Variants in PDZRN4 observed in about 807,000 individuals in gnomAD.
PDZRN4 encodes the protein PDZ domain-containing RING finger protein 4.
Under a neutral mutation model 99.0 loss-of-function variants are expected in PDZRN4, and 70 were observed. The ratio of observed to expected loss-of-function variants is 0.71; its 90% CI spans 0.58 to 0.86. PDZRN4 has a LOEUF of 0.86. PDZRN4 is among the 40% of genes least tolerant of loss of function. The pLI, the probability that PDZRN4 is intolerant of heterozygous loss-of-function variation, is 0.00. For missense variants in PDZRN4, 1,474 were observed against 1,331.2 expected, an observed-to-expected ratio of 1.11 and a Z score of -1.67; for synonymous variants, 551 against 501.6, an observed-to-expected ratio of 1.10 and a Z score of -1.32.
chr12:41,480,759 T>C (rs1937660227), intron 3 of PDZRN4, among the ~76,000 whole-genome samples: 1 of 152,128 alleles, frequency 6.6e-6, no homozygotes, highest in African/African-American at 2.4e-5. Flanking sequence ...GATAGGGGAG[T>C]AGGAATAGAA....
At chr12:41,223,014 T>G (rs1950968584) in intron 3 of PDZRN4, among the ~76,000 whole-genome samples, 1 of 152,190 alleles carries the variant, frequency 6.6e-6, no homozygotes, top group Non-Finnish European at 1.5e-5. Flanking sequence ...TTTGCTTTAT[T>G]ATTAGCTTGG....
intron 3 of PDZRN4, among the ~76,000 whole-genome samples, chr12:41,243,215 T>C (rs74895359): frequency 0.012 from 1,830 of 152,282 alleles, 60 homozygotes; most frequent in East Asian, 0.11. Flanking sequence ...GTGAAAAGCA[T>C]AGCAAGATAT....
rs144456152 is a variant in PDZRN4, at chr12:41,541,714, A to G, written c.1204-10942A>G. Among the ~76,000 whole-genome samples the G allele has an allele frequency of 7.6e-3, 1,153 of 152,162 alleles. 51 individuals carry two copies. The East Asian group carries it at 0.14, about 18-fold the overall frequency. Reference sequence around the variant, plus strand: ...ATGATCCGCCTGCCTCGGCCTCCCAAAGTGCTGGGATTACAGGCGTGAGCC... The same window carrying G: ...ATGATCCGCCTGCCTCGGCCTCCCAGAGTGCTGGGATTACAGGCGTGAGCC... On this transcript the variant is annotated intron_variant, in intron 5 of 9. Transcript: ENST00000402685.
At chr12:41,265,337 C>T (rs1951269072) in intron 3 of PDZRN4, among the ~76,000 whole-genome samples, 1 of 152,052 alleles carries the variant, frequency 6.6e-6, no homozygotes, top group Non-Finnish European at 1.5e-5. Flanking sequence ...TGAAAATACA[C>T]CTGAACTCAT....
At chr12:41,492,885 G>A (rs1335257624) in intron 3 of PDZRN4, among the ~76,000 whole-genome samples, 1 of 152,224 alleles carries the variant, frequency 6.6e-6, no homozygotes, top group South Asian at 2.1e-4. Flanking sequence ...CTTGAAAGCT[G>A]GTGTGGAAAT....
intron 3 of PDZRN4, among the ~76,000 whole-genome samples, chr12:41,306,776 C>T (rs1006141365): frequency 2.0e-5 from 3 of 152,210 alleles, no homozygotes; most frequent in Non-Finnish European, 2.9e-5. Flanking sequence ...CCAAGTTCTG[C>T]CTTCCACAAA....
chr12:41,539,567 A>C (rs76062180), intron 5 of PDZRN4, among the ~76,000 whole-genome samples: 1,619 of 152,206 alleles, frequency 0.011, 22 homozygotes, highest in African/African-American at 0.037. Flanking sequence ...CCAGTATAAA[A>C]TAGCTTAGAA....
chr12:41,539,266 GT>G (rs973979680), intron 5 of PDZRN4, among the ~76,000 whole-genome samples: 10 of 151,686 alleles, frequency 6.6e-5, no homozygotes, highest in Admixed American at 5.9e-4. Flanking sequence ...AATATCCTGA[GT>G]TTTTTGGGAA....
At chr12:41,531,495 C>T (rs900789676) in intron 5 of PDZRN4, among the ~76,000 whole-genome samples, 1 of 152,200 alleles carries the variant, frequency 6.6e-6, no homozygotes, top group African/African-American at 2.4e-5. Context: ...TCTTGTGTGT[C>T]TGCTTGCTAG....
At chr12:41,231,603 C>G (rs1202872896) in intron 3 of PDZRN4, among the ~76,000 whole-genome samples, 1 of 152,032 alleles carries the variant, frequency 6.6e-6, no homozygotes, top group Non-Finnish European at 1.5e-5. Context: ...TAAGAATTTA[C>G]TTAGTCATTT....
chr12:41,525,477 CAT>C (rs746843332), intron 5 of PDZRN4, among the ~76,000 whole-genome samples: 25 of 152,080 alleles, frequency 1.6e-4, no homozygotes, highest in South Asian at 1.2e-3. Flanking sequence ...ATGGCTGACA[CAT>C]ATGTGAAATA....
At chr12:41,444,279 G>A (rs1217925980) in intron 3 of PDZRN4, among the ~76,000 whole-genome samples, 1 of 152,028 alleles carries the variant, frequency 6.6e-6, no homozygotes, top group Non-Finnish European at 1.5e-5. Context: ...TTCACCCAAC[G>A]TCATTCCCCT....
chr12:41,370,308 T>C (rs1007427030), intron 3 of PDZRN4, among the ~76,000 whole-genome samples: 2 of 152,032 alleles, frequency 1.3e-5, no homozygotes, highest in African/African-American at 4.8e-5. Context: ...TTCATACTGA[T>C]AATTTATTTA....
At chr12:41,264,347 G>A (rs531337581) in intron 3 of PDZRN4, among the ~76,000 whole-genome samples, 1 of 152,250 alleles carries the variant, frequency 6.6e-6, no homozygotes, top group African/African-American at 2.4e-5. Context: ...CATACCAATA[G>A]TAGTTAGAAT....
At position 41,235,200 on chromosome 12, in the gene PDZRN4, A is replaced by G. The variant is rs190631150; in HGVS notation, c.843+41012A>G. ...CAGATATAAACTTTTAAAGTAGTAC[A>G]ATCAAATATGAACTCTTCATCTTGA... On this transcript the variant is annotated intron_variant, in intron 3 of 9. Transcript: ENST00000402685. Among the ~76,000 whole-genome samples the G allele has an allele frequency of 4.7e-4, 72 of 152,256 alleles. 1 individual carries two copies. The highest frequency in any genetic ancestry group is 3.9e-3 in the South Asian group (19 of 4,826).
chr12:41,254,598 A>G (rs1226179891), intron 3 of PDZRN4, among the ~76,000 whole-genome samples: 1 of 152,244 alleles, frequency 6.6e-6, no homozygotes, highest in Non-Finnish European at 1.5e-5. Flanking sequence ...ATATTTTACC[A>G]TTTCCTATGT....
At chr12:41,268,116 A>ATT (rs58935194) in intron 3 of PDZRN4, among the ~76,000 whole-genome samples, 51 of 152,066 alleles carry the variant, frequency 3.4e-4, no homozygotes, top group African/African-American at 1.0e-3. Context: ...CAAAAGAGGC[A>ATT]TTTTTTTTAT....
chr12:41,197,919 G>GTTTTTTTTTTTTTTTT (rs764851464), intron 3 of PDZRN4, among the ~76,000 whole-genome samples: 4 of 113,466 alleles, frequency 3.5e-5, no homozygotes, highest in Admixed American at 9.8e-5. Context: ...GTTTTTTCTG[G>GTTTTTTTTTTTTTTTT]GTTTTTTTTT....
chr12:41,546,981 C>A (rs1283150434), intron 5 of PDZRN4, among the ~76,000 whole-genome samples: 1 of 152,096 alleles, frequency 6.6e-6, no homozygotes, highest in Non-Finnish European at 1.5e-5. Context: ...CACAAATGGC[C>A]GTGGATAGTT....
Sources: gnomAD v4.1 joint callset for allele counts (sites outside exome capture counted in the v4.1 genomes callset) on GRCh38, gnomAD v4.1.1 for gene constraint, MANE v1.5 for transcripts, NCBI Gene and HGNC (gene_info 2026-07-23, HGNC 2026-07-21) for gene names.